The following LAMA1 variants were observed in gnomAD, a reference collection of about 807,000 sequenced individuals.
LAMA1 encodes laminin subunit alpha-1.
Under a neutral mutation model 348.7 loss-of-function variants are expected in LAMA1, and 219 were observed. The observed-to-expected ratio is 0.63, with a 90% CI of 0.56 to 0.70. LAMA1 has a LOEUF of 0.70. Ranked by LOEUF, LAMA1 falls within the 30% of genes least tolerant of loss-of-function variation. The pLI is 0.00. For synonymous variants in LAMA1, 1,487 were observed against 1,491.0 expected (o/e 1.00, Z 0.06); for missense variants, 3,744 against 3,888.0 (o/e 0.96, Z 0.99).
intron 56 of LAMA1, 156 bp downstream of exon 56, chr18:6,956,480 C>T: frequency 7.8e-7 from 1 of 1,290,056 alleles, no homozygotes; most frequent in Non-Finnish European, 1.1e-6. Context: ...CCCTTTCCCT[C>T]CCTGTCCCCG....
intron 1 of LAMA1, among the ~76,000 whole-genome samples, chr18:7,099,028 G>A (rs11081300): frequency 1.3e-5 from 2 of 151,636 alleles, no homozygotes; most frequent in South Asian, 2.1e-4. Flanking sequence ...AATAGAAAGG[G>A]GGGAAAGGCG....
At position 6,999,489 on chromosome 18, in the gene LAMA1, T is replaced by C. The variant is rs748923164; in HGVS notation, c.4619A>G (p.Asp1540Gly). Residue 1540 changes from aspartate (D) to glycine (G), a missense_variant, in exon 32 of 63, where the codon GAT (aspartate) becomes GGT (glycine). Physicochemically the swap from Asp to Gly is moderately conservative, Grantham distance 94 (BLOSUM62 -1). Around this residue, in one of 3 missense-constraint regions of LAMA1, gnomAD observed 1,983 missense variants for 1,934.3 expected, o/e 1.03. Transcript: ENST00000389658. ...CRLGASGLRC[D>G]ECEPRHILME... Reference sequence around the variant, plus strand: ...CAGAATGTGCCTCGGTTCACACTCATCGCACCGGAGCCCCGAGGCCCCCAG... The same window carrying C: ...CAGAATGTGCCTCGGTTCACACTCACCGCACCGGAGCCCCGAGGCCCCCAG... 6.2e-7 allele frequency: 1 copy of C among 1,614,156 alleles called. No individual in the cohort carries two copies. The highest frequency in any genetic ancestry group is 8.5e-7 in the Non-Finnish European group (1 of 1,180,018).
At position 7,050,832 on chromosome 18, in the gene LAMA1, C is replaced by T. The variant is rs1361871561; in HGVS notation, c.450G>A (p.Gln150=). ...SLDGTTFSPW[Q]YYAVSDSECL... ...ACTCTGAGTCGCTGACTGCATAATA[C>T]TGCCAGGGGCTGAACGTGGTGCCAT... Residue 150 remains glutamine, a synonymous_variant, in exon 4 of 63, where the codon CAG becomes CAA. Coordinates refer to ENST00000389658, the MANE Select transcript of LAMA1 (RefSeq NM_005559.4). The T allele has an allele frequency of 6.2e-7, 1 of 1,614,186 alleles. No individual in the cohort carries two copies. The highest frequency in any genetic ancestry group is 8.5e-7 in the Non-Finnish European group (1 of 1,180,040).
chr18:7,065,112 A>C (rs2058117275), intron 3 of LAMA1, among the ~76,000 whole-genome samples: 1 of 151,756 alleles, frequency 6.6e-6, no homozygotes, highest in South Asian at 2.1e-4. Context: ...ACGTGCCTGT[A>C]GTCCCAGCTA....
intron 37 of LAMA1, among the ~76,000 whole-genome samples, 184 bp from the exon 38 acceptor site, chr18:6,985,827 C>T (rs1246290323): frequency 2.0e-5 from 3 of 152,164 alleles, no homozygotes; most frequent in Admixed American, 2.0e-4. Context: ...GGCATGATCT[C>T]GGCTCACTAC....
intron 57 of LAMA1, 40 bp from the exon 58 acceptor site, chr18:6,951,011 T>C (rs774684804): frequency 6.4e-7 from 1 of 1,574,242 alleles, no homozygotes; most frequent in Non-Finnish European, 8.6e-7. Context: ...AAGGAAACTT[T>C]TACTTTTCAT....
At chr18:6,976,875 G>T (rs2057685098) in intron 44 of LAMA1, among the ~76,000 whole-genome samples, 1 of 152,106 alleles carries the variant, frequency 6.6e-6, no homozygotes, top group African/African-American at 2.4e-5. Flanking sequence ...CTCCCAAATT[G>T]TGGGAGTTAC....
At chr18:7,020,570 G>A (rs2057911007) in intron 19 of LAMA1, among the ~76,000 whole-genome samples, 1 of 152,150 alleles carries the variant, frequency 6.6e-6, no homozygotes, top group Non-Finnish European at 1.5e-5. Flanking sequence ...GCGAGGGGAT[G>A]CGAGAGAAGG....
intron 18 of LAMA1, among the ~76,000 whole-genome samples, chr18:7,023,944 T>A (rs1225910968): frequency 6.6e-6 from 1 of 152,170 alleles, no homozygotes; most frequent in African/African-American, 2.4e-5. Flanking sequence ...GTTCAAGTGA[T>A]TCTCCTGCCT....
chr18:7,004,802 C>T (rs1307147208), intron 29 of LAMA1, among the ~76,000 whole-genome samples: 1 of 152,150 alleles, frequency 6.6e-6, no homozygotes, highest in Non-Finnish European at 1.5e-5. Flanking sequence ...AAATGAACTG[C>T]ACTAAACCAC....
At chr18:6,987,176 G>A (rs942382074) in intron 36 of LAMA1, among the ~76,000 whole-genome samples, 1 of 152,106 alleles carries the variant, frequency 6.6e-6, no homozygotes, top group African/African-American at 2.4e-5. Context: ...GTGGGAATCC[G>A]AACACTTAAA....
chr18:7,022,269 G>A (rs1479792015), intron 19 of LAMA1, among the ~76,000 whole-genome samples: 2 of 152,160 alleles, frequency 1.3e-5, no homozygotes, highest in African/African-American at 4.8e-5. Context: ...ACCAAGGCTT[G>A]CAGTAATGAT....
intron 1 of LAMA1, among the ~76,000 whole-genome samples, chr18:7,108,732 C>G (rs2058324540): frequency 6.7e-6 from 1 of 148,154 alleles, no homozygotes; most frequent in African/African-American, 2.5e-5. Context: ...GATGCATTAT[C>G]TCCAGTTCTC....
At chr18:7,023,079 G>A (rs1568035245) in intron 19 of LAMA1, 85 bp downstream of exon 19, 4 of 1,420,032 alleles carry the variant, frequency 2.8e-6, no homozygotes, top group Non-Finnish European at 3.9e-6. Context: ...TCCTAGGCGG[G>A]GCCCTGTGTG....
At chr18:6,956,919 A>C in intron 55 of LAMA1, 154 bp from the exon 56 acceptor site, 1 of 788,056 alleles carries the variant, frequency 1.3e-6, no homozygotes, top group Non-Finnish European at 2.1e-6. Flanking sequence ...ACTGTGACTC[A>C]GAGTCCAAAC....
At position 6,947,234 on chromosome 18, in the gene LAMA1, G is replaced by A. The variant is rs1301902817; in HGVS notation, c.8773C>T (p.Gln2925Ter). 6.2e-7 allele frequency: 1 copy of A among 1,614,050 alleles called. No individual in the cohort carries two copies. Among genetic ancestry groups the A allele is most frequent in the Non-Finnish European group, 8.5e-7 (1 of 1,180,050 alleles). ...NITLEFRTSS[Q>*]NGVLLGISTA... ...CTGATCCCCAGGAGGACGCCATTCT[G>A]CGAGGAGGTTCGAAACTCCAGTGTG... The change falls in exon 61 of 63, where the codon CAG becomes TAG. Residue 2925 changes from glutamine (Q) to a stop codon, truncating the protein, a stop_gained. Transcript: ENST00000389658. LOFTEE classifies it high-confidence loss of function.
chr18:7,058,530 G>A (rs1393464099), intron 3 of LAMA1, among the ~76,000 whole-genome samples: 1 of 152,200 alleles, frequency 6.6e-6, no homozygotes, highest in Admixed American at 6.5e-5. Flanking sequence ...CTGGCGATAG[G>A]CTCTTTAAAG....
Position 7,038,969 on chromosome 18 carries a change from G to A in LAMA1, c.1423-19C>T. The A allele has an allele frequency of 6.2e-7, 1 of 1,607,168 alleles. No homozygotes were observed. Among genetic ancestry groups the A allele is most frequent in the Non-Finnish European group, 8.5e-7 (1 of 1,173,822 alleles). On this transcript the variant is annotated intron_variant, in intron 10 of 62. Transcript: ENST00000389658. ...CGTTTTCCTGTAAGTTAGGGTAAAAGATTAGCTTTTGAAACCAATGTGTCT... is the reference window on the plus strand; with the variant it reads ...CGTTTTCCTGTAAGTTAGGGTAAAAAATTAGCTTTTGAAACCAATGTGTCT...
intron 30 of LAMA1, 133 bp from the exon 31 acceptor site, chr18:7,000,130 T>C (rs1373559237): frequency 1.4e-6 from 1 of 690,352 alleles, no homozygotes; most frequent in Non-Finnish European, 2.6e-6. Flanking sequence ...TTTTTAGAGC[T>C]TACAATCTAC....
Sources: allele counts gnomAD v4.1 joint callset (sites outside exome capture counted in the v4.1 genomes callset), GRCh38; gene constraint gnomAD v4.1.1; regional missense constraint gnomAD v4.1.1; transcripts MANE v1.5; gene names NCBI Gene and HGNC (gene_info 2026-07-23, HGNC 2026-07-21).